The following PAK3 variants were observed in gnomAD, a reference collection of about 807,000 sequenced individuals.
PAK3 encodes p21 (RAC1) activated kinase 3, also known as serine/threonine-protein kinase PAK 3.
Under a neutral mutation model 41.0 loss-of-function variants are expected in PAK3, and 4 were observed. The ratio of observed to expected loss-of-function variants is 0.10; its 90% confidence interval spans 0.05 to 0.22. The LOEUF is 0.22. Among genes scored for constraint, PAK3 ranks in the 10% least tolerant of loss-of-function variants. The pLI, the probability that PAK3 is intolerant of heterozygous loss-of-function variation, is 1.00. For synonymous variants in PAK3, 146 were observed against 139.6 expected (o/e 1.05, Z -0.32); for missense variants, 205 against 409.9 (o/e 0.50, Z 4.32).
intron 1 of PAK3, among the ~76,000 whole-genome samples, chrX:110,994,134 G>A (rs1359165361): frequency 8.9e-6 from 1 of 112,226 alleles, no homozygotes; most frequent in East Asian, 2.8e-4. Context: ...GTTACAAGCA[G>A]TATTACATGT....
intron 4 of PAK3, among the ~76,000 whole-genome samples, chrX:111,106,174 A>ATTC (rs1223197951): frequency 9.1e-6 from 1 of 110,324 alleles, no homozygotes; most frequent in Non-Finnish European, 1.9e-5. Flanking sequence ...ACACACTCAC[A>ATTC]TTCTTATACA....
At position 111,054,957 on chromosome X, in the gene PAK3, A is replaced by T. The variant is rs150757631; in HGVS notation, c.-27-68120A>T. Among the ~76,000 whole-genome samples the T allele has an allele frequency of 2.4e-3, 265 of 112,026 alleles. 1 individual carries two copies. Among genetic ancestry groups the T allele is most frequent in the Non-Finnish European group, 4.2e-3 (223 of 53,227 alleles). The stretch of plus-strand genomic sequence containing the variant: ...TCTGCTGTTAAATATTTTGAATATC[A>T]AATATAGGAAAGGTCCTATAACTGC... On this transcript the variant is annotated intron_variant, in intron 1 of 14. Coordinates refer to the PAK3 transcript ENST00000425146.
chrX:111,001,156 C>T (rs954259146), intron 1 of PAK3, among the ~76,000 whole-genome samples: 2 of 111,810 alleles, frequency 1.8e-5, no homozygotes, highest in Non-Finnish European at 3.8e-5. Context: ...ATCAGTTTGC[C>T]GCATTCTGTG....
At chrX:111,204,941 ATT>A (rs775428482) in intron 16 of PAK3, among the ~76,000 whole-genome samples, 453 of 32,424 alleles carry the variant, frequency 0.014, 6 homozygotes, top group African/African-American at 0.048. Context: ...TCATCAGCAC[ATT>A]TTTTTTTTTT....
In PAK3 at chrX:111,147,728, T is replaced by C; in HGVS notation, c.277-9T>C. Reference sequence around the variant, plus strand: ...TGAGCTACCATTCTTTCCCTTTGGTTGTCCACAGGGAATTCCAGAGCAATG... The same window carrying C: ...TGAGCTACCATTCTTTCCCTTTGGTCGTCCACAGGGAATTCCAGAGCAATG... On this transcript the variant is annotated splice_polypyrimidine_tract_variant and intron_variant, in intron 6 of 17. Transcript: ENST00000372007. 1 of 1,174,323 alleles carries C rather than the reference T, an allele frequency of 8.5e-7. No homozygotes were observed. The highest frequency in any genetic ancestry group is 1.8e-5 in the African/African-American group (1 of 57,100).
intron 6 of PAK3, among the ~76,000 whole-genome samples, chrX:111,144,412 G>A (rs1316110299): frequency 9.0e-6 from 1 of 111,123 alleles, no homozygotes; most frequent in Non-Finnish European, 1.9e-5. Flanking sequence ...GCCCTTTTTG[G>A]TACTTTTTTA....
At chrX:111,022,594 CA>C (rs748225923) in intron 1 of PAK3, among the ~76,000 whole-genome samples, 3 of 111,290 alleles carry the variant, frequency 2.7e-5, no homozygotes, top group Non-Finnish European at 5.7e-5. Flanking sequence ...ATAAATCTCA[CA>C]GGACCTATGT....
At chrX:111,030,207 TC>T in intron 1 of PAK3, among the ~76,000 whole-genome samples, 1 of 111,476 alleles carries the variant, frequency 9.0e-6, no homozygotes, top group Middle Eastern at 4.6e-3. Flanking sequence ...TCATAACATA[TC>T]TTTTTGGTTT....
intron 1 of PAK3, among the ~76,000 whole-genome samples, chrX:111,001,180 C>T (rs1416844238): frequency 8.9e-6 from 1 of 111,845 alleles, no homozygotes; most frequent in Admixed American, 9.5e-5. Flanking sequence ...TTAAAGGTAT[C>T]GGAAAGAGAC....
intron 1 of PAK3, among the ~76,000 whole-genome samples, chrX:111,046,905 A>T (rs2092504236): frequency 9.0e-6 from 1 of 111,728 alleles, no homozygotes; most frequent in Non-Finnish European, 1.9e-5. Context: ...AAGTCCCGTT[A>T]TATTGTACAT....
rs78518402 is a variant in PAK3, at chrX:111,160,640, C to T, written c.469-2275C>T. Reference sequence around the variant, plus strand: ...GCTCCCCCCACCCCACAACAGTCCCCGGTGTGTGATGTTCCCCTTCCTGTG... The same window carrying T: ...GCTCCCCCCACCCCACAACAGTCCCTGGTGTGTGATGTTCCCCTTCCTGTG... On this transcript the variant is annotated intron_variant, in intron 8 of 17. Transcript: ENST00000372007. 4.0e-4 allele frequency among the ~76,000 whole-genome samples: 43 copies of T among 108,154 alleles called. No individual in the cohort carries two copies. In the East Asian group the frequency reaches 8.4e-3, roughly 21 times the overall value. The allele number at this position is 108,154 out of a possible 115,157, so 93.9% of individuals were successfully genotyped here.
Position 111,155,879 on chromosome X carries a change from A to T in PAK3, c.468+3432A>T, listed in dbSNP as rs188035624. 9.6e-3 allele frequency among the ~76,000 whole-genome samples: 1,079 copies of T among 111,844 alleles called. 12 individuals carry two copies. Among genetic ancestry groups the T allele is most frequent in the African/African-American group, 0.033 (1,020 of 30,776 alleles). ...TGAAAACTGAGATGCGAGAAAGGGA[A>T]TCAGGAAATAAGTCTTGAAGGTTAA... On this transcript the variant is annotated intron_variant, in intron 8 of 17. Transcript: ENST00000372007.
intron 1 of PAK3, among the ~76,000 whole-genome samples, chrX:111,028,450 T>C (rs1396436133): frequency 1.8e-5 from 2 of 111,178 alleles, no homozygotes; most frequent in Non-Finnish European, 3.8e-5. Flanking sequence ...CAAGCAAAAA[T>C]GATTAAAATG....
intron 1 of PAK3, among the ~76,000 whole-genome samples, chrX:110,998,995 G>A (rs1174657878): frequency 1.8e-5 from 2 of 111,788 alleles, no homozygotes; most frequent in Non-Finnish European, 3.8e-5. Flanking sequence ...CCTTTGCTAA[G>A]AGGGCATGTT....
intron 1 of PAK3, among the ~76,000 whole-genome samples, chrX:111,023,304 G>A (rs1458214713): frequency 8.9e-6 from 1 of 112,116 alleles, no homozygotes; most frequent in East Asian, 2.8e-4. Context: ...ATGGGCATTT[G>A]AGTTGGTTCC....
At chrX:111,041,565 T>C (rs539260720) in intron 1 of PAK3, among the ~76,000 whole-genome samples, 4 of 111,780 alleles carry the variant, frequency 3.6e-5, no homozygotes, top group African/African-American at 1.3e-4. Flanking sequence ...CACAGACTCC[T>C]TTTTTCAGAA....
intron 5 of PAK3, among the ~76,000 whole-genome samples, chrX:111,130,325 T>G (rs983739774): frequency 3.6e-5 from 4 of 111,885 alleles, no homozygotes; most frequent in African/African-American, 1.3e-4. Flanking sequence ...GTGGTCACTC[T>G]TGCAGAATCA....
chrX:111,020,208 C>T (rs767901207), intron 1 of PAK3, among the ~76,000 whole-genome samples: 9 of 111,788 alleles, frequency 8.1e-5, no homozygotes, highest in Non-Finnish European at 1.7e-4. Context: ...GTATATGTTA[C>T]TCATCCTTTG....
Position 111,163,674 on chromosome X carries a change from A to C in PAK3, c.713A>C (p.Asp238Ala), listed in dbSNP as rs761542913. ...TCCAGTACTTTGTACAGGAACACAG[A>C]TCGGCAAAGAAAAAAATCCAAGATG... is the stretch of plus-strand genomic sequence containing the variant. ...ANSSTLYRNT[D>A]RQRKKSKMTD... Residue 238 changes from aspartate (D) to alanine (A), a missense_variant, in exon 10 of 18, where the codon GAT (aspartate) becomes GCT (alanine). Physicochemically the swap from Asp to Ala is moderately radical, Grantham distance 126 (BLOSUM62 -2). Around this residue, in one of 5 missense-constraint regions of PAK3, gnomAD observed 75 missense variants for 91.9 expected, o/e 0.82. Transcript: ENST00000372007. 1.7e-6 allele frequency: 2 copies of C among 1,204,648 alleles called. No individual in the cohort carries two copies. Among genetic ancestry groups the C allele is most frequent in the Non-Finnish European group, 2.2e-6 (2 of 889,176 alleles).
Sources: allele counts gnomAD v4.1 joint callset (sites outside exome capture counted in the v4.1 genomes callset), GRCh38; gene constraint gnomAD v4.1.1; regional missense constraint gnomAD v4.1.1; transcripts MANE v1.5; gene names NCBI Gene and HGNC (gene_info 2026-07-23, HGNC 2026-07-21).